The following FMN2 variants were observed in gnomAD, a reference collection of about 807,000 sequenced individuals.
The protein encoded by FMN2 is formin-2.
In FMN2, 51 loss-of-function variants were observed where a neutral mutation model predicts 142.3. The ratio of observed to expected loss-of-function variants is 0.36; its 90% CI spans 0.29 to 0.45. The LOEUF (loss-of-function observed/expected upper bound fraction) is 0.45. Ranked by LOEUF, FMN2 falls within the 20% of genes least tolerant of loss-of-function variation. The pLI, the probability that FMN2 is intolerant of heterozygous loss-of-function variation, is 1.00. For missense variants in FMN2, 1,936 were observed against 2,122.8 expected (o/e 0.91, Z 1.73); for synonymous variants, 882 against 869.8 (o/e 1.01, Z -0.25).
chr1:240,105,948 A>C (rs1661592110), intron 1 of FMN2, among the ~76,000 whole-genome samples: 1 of 152,170 alleles, frequency 6.6e-6, no homozygotes, highest in East Asian at 1.9e-4. Context: ...TTTTAGCATT[A>C]AATATGGTAA....
At chr1:240,184,803 A>T (rs1279040631) in intron 3 of FMN2, among the ~76,000 whole-genome samples, 1 of 151,962 alleles carries the variant, frequency 6.6e-6, no homozygotes, top group African/African-American at 2.4e-5. Context: ...GAGCTCTATG[A>T]AAGTTGGAAC....
rs201223518 is a variant in FMN2 at position 240,471,365 on chromosome 1, C to CTT, written c.5061-994_5061-993dup. Among the ~76,000 whole-genome samples the CTT allele has an allele frequency of 4.2e-3, 605 of 143,232 alleles. 11 individuals carry two copies. The highest frequency in any genetic ancestry group is 5.5e-3 in the Admixed American group (79 of 14,336). The allele number at this position is 143,232 out of a possible 152,430, so 94.0% of individuals were successfully genotyped here. A position where few individuals can be genotyped will look rare whatever the true frequency, so the allele number is the denominator to read the frequency against. On this transcript the variant is annotated intron_variant, in intron 16 of 17. Coordinates refer to ENST00000319653, the MANE Select transcript of FMN2 (RefSeq NM_020066.5). Reference sequence around the variant, plus strand: ...TAAGTAAGCATGGCATGTAAATTTTCTTTTTTTTTTTTTTGAGACGGAGTC... The same window carrying CTT: ...TAAGTAAGCATGGCATGTAAATTTTCTTTTTTTTTTTTTTTTGAGACGGAGTC...
chr1:240,352,950 G>C (rs1672144748), intron 13 of FMN2, among the ~76,000 whole-genome samples: 1 of 152,148 alleles, frequency 6.6e-6, no homozygotes, highest in African/African-American at 2.4e-5. Flanking sequence ...AATAATCCCA[G>C]TGACAAAGGG....
chr1:240,394,032 A>C (rs551923962), intron 15 of FMN2, among the ~76,000 whole-genome samples: 2 of 152,254 alleles, frequency 1.3e-5, no homozygotes, highest in East Asian at 3.9e-4. Context: ...GCAGGGAAGA[A>C]ATGTAACCAT....
intron 6 of FMN2, among the ~76,000 whole-genome samples, chr1:240,243,790 A>G (rs546526400): frequency 6.6e-6 from 1 of 152,216 alleles, no homozygotes; most frequent in South Asian, 2.1e-4. Context: ...GTCCTGAAAT[A>G]TGGATCTCCT....
chr1:240,182,853 CT>C (rs1665206917), intron 3 of FMN2, among the ~76,000 whole-genome samples: 1 of 151,926 alleles, frequency 6.6e-6, no homozygotes, highest in African/African-American at 2.4e-5. Flanking sequence ...AGAAGTGTCT[CT>C]AATGGTTCCT....
chr1:240,452,284 AATTTC>A (rs1676086615), intron 16 of FMN2, among the ~76,000 whole-genome samples: 3 of 152,214 alleles, frequency 2.0e-5, no homozygotes, highest in Non-Finnish European at 4.4e-5. Flanking sequence ...ATTCATTTAG[AATTTC>A]AAATACCCAG....
intron 7 of FMN2, among the ~76,000 whole-genome samples, chr1:240,291,663 T>A (rs1002201757): frequency 4.6e-5 from 7 of 152,174 alleles, no homozygotes; most frequent in African/African-American, 1.7e-4. Context: ...TGTACCAGGC[T>A]CTCTTGTTTC....
At chr1:240,419,870 T>A (rs1674707165) in intron 15 of FMN2, among the ~76,000 whole-genome samples, 1 of 152,124 alleles carries the variant, frequency 6.6e-6, no homozygotes, top group Admixed American at 6.6e-5. Context: ...CCTCCTGTTT[T>A]CCCACTCTTG....
At chr1:240,451,753 T>C (rs1676054592) in intron 16 of FMN2, among the ~76,000 whole-genome samples, 1 of 152,038 alleles carries the variant, frequency 6.6e-6, no homozygotes, top group Non-Finnish European at 1.5e-5. Flanking sequence ...GCACCAGCAG[T>C]GAGACATGAA....
chr1:240,328,072 C>T (rs544394480), intron 8 of FMN2, among the ~76,000 whole-genome samples: 2 of 142,888 alleles, frequency 1.4e-5, no homozygotes, highest in South Asian at 2.3e-4. Flanking sequence ...GGCTTGAACC[C>T]GGGAGGCGCA....
chr1:240,423,889 T>C, intron 15 of FMN2, among the ~76,000 whole-genome samples: 1 of 152,182 alleles, frequency 6.6e-6, no homozygotes, highest in Middle Eastern at 3.2e-3. Flanking sequence ...CTGGTTGGCA[T>C]TCACAATAGA....
intron 14 of FMN2, among the ~76,000 whole-genome samples, chr1:240,372,577 T>C (rs1334660719): frequency 6.6e-6 from 1 of 150,876 alleles, no homozygotes; most frequent in Non-Finnish European, 1.5e-5. Flanking sequence ...GTATAAAATC[T>C]ATAGAGATTT....
chr1:240,251,896 GTATTT>G (rs1489445105), intron 6 of FMN2, among the ~76,000 whole-genome samples: 1 of 152,044 alleles, frequency 6.6e-6, no homozygotes, highest in African/African-American at 2.4e-5. Flanking sequence ...ATTGATTTCT[GTATTT>G]TATTTTGTTT....
chr1:240,161,870 AGATAATATGG>A (rs1377804301), intron 2 of FMN2, among the ~76,000 whole-genome samples: 1 of 152,226 alleles, frequency 6.6e-6, no homozygotes, highest in Non-Finnish European at 1.5e-5. Flanking sequence ...ACCTTCTGGA[AGATAATATGG>A]GAGGTATCTT....
chr1:240,164,504 T>C (rs1664400519), intron 2 of FMN2, among the ~76,000 whole-genome samples: 1 of 152,224 alleles, frequency 6.6e-6, no homozygotes, highest in African/African-American at 2.4e-5. Flanking sequence ...CTAAAGAGCA[T>C]CTTTTTGTAT....
chr1:240,338,232 T>C (rs769754461), intron 13 of FMN2, among the ~76,000 whole-genome samples: 2 of 152,198 alleles, frequency 1.3e-5, no homozygotes, highest in African/African-American at 2.4e-5. Context: ...TCATCAACTA[T>C]ACCTTCAAGT....
At chr1:240,445,476 C>T (rs557952196) in intron 16 of FMN2, among the ~76,000 whole-genome samples, 2 of 152,158 alleles carry the variant, frequency 1.3e-5, no homozygotes, top group African/African-American at 4.8e-5. Context: ...AGGGAACAGC[C>T]CCATGAAGGG....
intron 2 of FMN2, among the ~76,000 whole-genome samples, chr1:240,166,392 G>T (rs1664484573): frequency 6.6e-6 from 1 of 151,972 alleles, no homozygotes; most frequent in Non-Finnish European, 1.5e-5. Flanking sequence ...ACCAAGCCCA[G>T]CTAATTTTTG....
Sources: allele counts gnomAD v4.1 joint callset (sites outside exome capture counted in the v4.1 genomes callset), GRCh38; gene constraint gnomAD v4.1.1; transcripts MANE v1.5; gene names NCBI Gene and HGNC (gene_info 2026-07-23, HGNC 2026-07-21).